CEP63: variants seen among roughly 807,000 people sequenced by gnomAD.
CEP63 encodes centrosomal protein of 63 kDa.
A neutral mutation model predicts 89.1 loss-of-function variants in CEP63; 84 were observed. The observed-to-expected ratio is 0.94, with a 90% confidence interval of 0.79 to 1.13. The LOEUF is 1.13. CEP63 is among the 50% of genes most tolerant of loss of function. The pLI is 0.00. For missense variants in CEP63, 838 were observed against 813.3 expected (o/e 1.03, Z -0.37); for synonymous variants, 267 against 272.5 (o/e 0.98, Z 0.20).
chr3:134,520,242 G>T (rs1227289724), intron 3 of CEP63, among the ~76,000 whole-genome samples: 1 of 152,018 alleles, frequency 6.6e-6, no homozygotes, highest in East Asian at 1.9e-4. Flanking sequence ...CTGAGTTAAA[G>T]GTTAATTTAC....
At chr3:134,523,463 T>G (rs1283263704) in intron 3 of CEP63, among the ~76,000 whole-genome samples, 1 of 152,150 alleles carries the variant, frequency 6.6e-6, no homozygotes, top group Non-Finnish European at 1.5e-5. Context: ...AATCTTTGTC[T>G]GTTTCCATGT....
the CEP63 span, chr3:134,603,888 G>A: frequency 1.2e-6 from 2 of 1,614,034 alleles, no homozygotes; most frequent in Middle Eastern, 3.3e-4. Flanking sequence ...CCTTGGTGTT[G>A]GCACAGCATA....
At chr3:134,720,985 A>G in the CEP63 span, among the ~76,000 whole-genome samples, 1 of 152,198 alleles carries the variant, frequency 6.6e-6, no homozygotes, top group Non-Finnish European at 1.5e-5. Flanking sequence ...ACATGAATTT[A>G]GCTCTCATTT....
intron 11 of CEP63, among the ~76,000 whole-genome samples, chr3:134,573,871 G>A (rs1958119014): frequency 6.6e-6 from 1 of 152,182 alleles, no homozygotes; most frequent in Admixed American, 6.5e-5. Context: ...ACAGATCAGA[G>A]CATTCTGCCT....
At chr3:134,577,786 C>T (rs11919435), downstream of CEP63, among the ~76,000 whole-genome samples, 183 of 152,158 alleles carry the variant, frequency 1.2e-3, no homozygotes, top group African/African-American at 4.1e-3. Flanking sequence ...TCCACCCCCG[C>T]GACAGGCCTC....
the CEP63 span, among the ~76,000 whole-genome samples, chr3:134,725,750 C>T: frequency 6.6e-6 from 1 of 152,136 alleles, no homozygotes; most frequent in Non-Finnish European, 1.5e-5. Context: ...TTGTTAGGGT[C>T]TTGTTGGTTT....
At chr3:134,489,544 CTCTT>C (rs1410310768) in intron 1 of CEP63, among the ~76,000 whole-genome samples, 6 of 152,138 alleles carry the variant, frequency 3.9e-5, no homozygotes, top group African/African-American at 1.4e-4. Context: ...TTCCCCAAGA[CTCTT>C]TCACTTAGTG....
Position 134,558,256 on chromosome 3 carries a change from G to T in CEP63, c.1582G>T (p.Glu528Ter). The change falls in exon 13 of 15, where the codon GAG becomes TAG. Residue 528 changes from glutamate (E) to a stop codon, truncating the protein, a stop_gained. Coordinates refer to ENST00000675561, the MANE Select transcript of CEP63 (RefSeq NM_001353108.3). LOFTEE classifies it high-confidence loss of function. Reference sequence around the variant, plus strand: ...TTTGATGAATACCAAATCTCAGCTGGAGATTTCTACTCAGATGTGCAAAAA... The same window carrying T: ...TTTGATGAATACCAAATCTCAGCTGTAGATTTCTACTCAGATGTGCAAAAA... Reference protein sequence around the residue: ...KDLMNTKSQLEISTQMCKKQN... With the variant: ...KDLMNTKSQL 11 of 1,613,710 alleles carry T rather than the reference G, an allele frequency of 6.8e-6. No homozygotes were observed. Among genetic ancestry groups the T allele is most frequent in the Non-Finnish European group, 9.3e-6 (11 of 1,179,740 alleles).
the CEP63 span, among the ~76,000 whole-genome samples, chr3:134,702,142 G>C: frequency 1.3e-5 from 2 of 151,974 alleles, no homozygotes; most frequent in Admixed American, 6.6e-5. Context: ...AAATGCTTAG[G>C]AACACAGTTA....
At chr3:134,777,919 G>T in the CEP63 span, among the ~76,000 whole-genome samples, 1 of 151,236 alleles carries the variant, frequency 6.6e-6, no homozygotes, top group Admixed American at 6.6e-5. Context: ...CCGGCTTTAG[G>T]CTTTTAAAAA....
At chr3:134,777,124 T>A in the CEP63 span, among the ~76,000 whole-genome samples, 1 of 152,170 alleles carries the variant, frequency 6.6e-6, no homozygotes, top group African/African-American at 2.4e-5. Context: ...CATTATTGAG[T>A]CCTCAGTGAA....
the CEP63 span, among the ~76,000 whole-genome samples, chr3:134,735,235 G>A: frequency 5.7e-4 from 86 of 152,132 alleles, no homozygotes; most frequent in African/African-American, 2.1e-3. Flanking sequence ...TGTTACTTTA[G>A]CACTTTCTGG....
At chr3:134,547,718 T>G (rs1953842695) in intron 9 of CEP63, among the ~76,000 whole-genome samples, 1 of 148,866 alleles carries the variant, frequency 6.7e-6, no homozygotes, top group Admixed American at 6.9e-5. Context: ...CAATTGATTC[T>G]TCTGCCCCAG....
the CEP63 span, among the ~76,000 whole-genome samples, chr3:134,764,208 C>A: frequency 6.6e-6 from 1 of 152,074 alleles, no homozygotes; most frequent in African/African-American, 2.4e-5. Context: ...AAAATGAGTA[C>A]TTTCTGGTGG....
chr3:134,680,609 A>T, the CEP63 span, among the ~76,000 whole-genome samples: 2 of 152,244 alleles, frequency 1.3e-5, no homozygotes, highest in South Asian at 4.1e-4. Flanking sequence ...AAGAGGGTGT[A>T]AAATATCTGG....
chr3:134,648,216 G>T, the CEP63 span, among the ~76,000 whole-genome samples: 1 of 152,200 alleles, frequency 6.6e-6, no homozygotes, highest in African/African-American at 2.4e-5. Context: ...GGCCGAGGAG[G>T]TTTCCTCACT....
chr3:134,658,889 A>G, the CEP63 span, among the ~76,000 whole-genome samples: 1 of 152,178 alleles, frequency 6.6e-6, no homozygotes, highest in South Asian at 2.1e-4. Context: ...AGCAATTTTC[A>G]TTCTTAACCT....
At chr3:134,582,500 G>A (rs866059994) in intron 10 of CEP63, among the ~76,000 whole-genome samples, 11 of 152,284 alleles carry the variant, frequency 7.2e-5, no homozygotes, top group Middle Eastern at 3.4e-3. Flanking sequence ...CCCTGCAAAG[G>A]ACATGAACAC....
At chr3:134,676,290 C>G in the CEP63 span, among the ~76,000 whole-genome samples, 1 of 151,944 alleles carries the variant, frequency 6.6e-6, no homozygotes, top group African/African-American at 2.4e-5. Flanking sequence ...CATGGATGAA[C>G]CTTGAAAAAA....
Sources: gnomAD v4.1 joint callset for allele counts (sites outside exome capture counted in the v4.1 genomes callset) on GRCh38, gnomAD v4.1.1 for gene constraint, MANE v1.5 for transcripts, NCBI Gene and HGNC (gene_info 2026-07-23, HGNC 2026-07-21) for gene names.